The following ULK1 variants were observed in gnomAD, a reference collection of about 807,000 sequenced individuals.
The protein encoded by ULK1 is serine/threonine-protein kinase ULK1.
In ULK1, 48 loss-of-function variants were observed where a neutral mutation model predicts 117.5. The observed-to-expected ratio is 0.41, with a 90% CI of 0.32 to 0.52. The LOEUF (loss-of-function observed/expected upper bound fraction) is 0.52, where lower values mean the gene tolerates loss of function less well. Ranked by LOEUF, ULK1 falls within the 20% of genes least tolerant of loss-of-function variation. The probability of loss-of-function intolerance (pLI) is 0.29; values close to 1 mark genes in which losing one functional copy is unlikely to be tolerated. For synonymous variants in ULK1, 790 were observed against 637.8 expected (o/e 1.24, Z -3.60); for missense variants, 1,387 against 1,473.4 (o/e 0.94, Z 0.96).
In ULK1 at chr12:131,917,634, G is replaced by A. The variant is rs182905765; in HGVS notation, c.2326+80G>A. 203 of 1,274,610 alleles carry A rather than the reference G, an allele frequency of 1.6e-4. 1 individual carries two copies. Among genetic ancestry groups the A allele is most frequent in the African/African-American group, 5.4e-4 (35 of 64,894 alleles). The allele number at this position is 1,274,610 out of a possible 1,614,324, so 79.0% of individuals were successfully genotyped here. A position where few individuals can be genotyped will look rare whatever the true frequency, so the allele number is the denominator to read the frequency against. Reference sequence around the variant, plus strand: ...AGCGGACGGGGGCATCCTTTAACTCGGGTCACTGGACTACAGCCCCCCAGA... The same window carrying A: ...AGCGGACGGGGGCATCCTTTAACTCAGGTCACTGGACTACAGCCCCCCAGA... On this transcript the variant is annotated intron_variant, in intron 22 of 27. Transcript: ENST00000321867.
chr12:131,907,928 AG>A (rs1406226309), intron 5 of ULK1, among the ~76,000 whole-genome samples: 1 of 106,642 alleles, frequency 9.4e-6, no homozygotes, highest in African/African-American at 3.6e-5. Flanking sequence ...GAAGGACAGC[AG>A]GGGGGCGGCC....
At chr12:131,908,092 G>A (rs573149583) in intron 5 of ULK1, among the ~76,000 whole-genome samples, 1 of 152,106 alleles carries the variant, frequency 6.6e-6, no homozygotes, top group East Asian at 1.9e-4. Flanking sequence ...CTGAGCACCC[G>A]GGAGCCGGCA....
rs1325990562 is a variant in ULK1 at position 131,895,770 on chromosome 12, G to A, written c.205-13G>A. The A allele has an allele frequency of 6.2e-7, 1 of 1,613,984 alleles. No individual in the cohort carries two copies. Among genetic ancestry groups the A allele is most frequent in the African/African-American group, 1.3e-5 (1 of 74,914 alleles). ...CTCCCCACACTGATAACAAACTTGG[G>A]TTTCTGTCCTAGGAACTGAAACATG... On this transcript the variant is annotated splice_polypyrimidine_tract_variant and intron_variant, in intron 2 of 27. Transcript: ENST00000321867.
At chr12:131,917,302 T>TCGGGTTCGGCTCGGAGGCTGTGGGA (rs1566127101) in intron 21 of ULK1, 109 bp from the exon 22 acceptor site, 1,901 of 168,592 alleles carry the variant, frequency 0.011, 745 homozygotes, top group Middle Eastern at 0.027. Flanking sequence ...GGGACGGGGG[T>TCGGGTTCGGCTCGGAGGCTGTGGGA]TGGGGGGAGC....
Position 131,921,683 on chromosome 12 carries a change from C to T in ULK1, c.*322C>T, listed in dbSNP as rs1023564225. The T allele has an allele frequency of 1.3e-5, 8 of 610,658 alleles. No homozygotes were observed. Among genetic ancestry groups the T allele is most frequent in the Non-Finnish European group, 2.1e-5 (7 of 333,002 alleles). 37.8% of individuals were successfully genotyped at this position (610,658 alleles called of 1,614,324 possible). ...GGCAGCCCCGGAGGACAGGCAAGGG[C>T]CTGAGACCACTGCCGACTCAAAGCC... On this transcript the variant is annotated 3_prime_UTR_variant, in exon 28 of 28. Coordinates refer to ENST00000321867, the MANE Select transcript of ULK1 (RefSeq NM_003565.4).
chr12:131,895,199 C>T (rs1384122503), intron 1 of ULK1, 87 bp downstream of exon 1: 2 of 957,470 alleles, frequency 2.1e-6, no homozygotes, highest in East Asian at 3.3e-5. Flanking sequence ...TGTCCCGGGA[C>T]CCCCCCACGC....
intron 11 of ULK1, 122 bp from the exon 12 acceptor site, chr12:131,910,590 C>T: frequency 6.3e-7 from 1 of 1,595,304 alleles, no homozygotes; most frequent in East Asian, 2.2e-5. Flanking sequence ...CTCCTTCCTG[C>T]TGGTCGGGGT....
intron 13 of ULK1, among the ~76,000 whole-genome samples, chr12:131,912,929 CTG>C (rs1889603692): frequency 1.3e-5 from 2 of 152,144 alleles, no homozygotes; most frequent in South Asian, 2.1e-4. Flanking sequence ...CCAGGGGTCT[CTG>C]GGGCTGAGGA....
At chr12:131,895,139 C>A (rs1280604238) in intron 1 of ULK1, 27 bp downstream of exon 1, 2 of 1,478,858 alleles carry the variant, frequency 1.4e-6, no homozygotes, top group Admixed American at 2.3e-5. Flanking sequence ...GCCCGGGATC[C>A]CCCGCCCAGG....
intron 9 of ULK1, 29 bp downstream of exon 9, chr12:131,909,862 T>TC (rs1459861571): frequency 6.2e-6 from 10 of 1,609,702 alleles, no homozygotes; most frequent in Admixed American, 1.7e-5. Context: ...TCCCTTCCCT[T>TC]CCCCCGCGGG....
chr12:131,909,010 T>C (rs1889401849), intron 7 of ULK1, 39 bp downstream of exon 7: 1 of 1,612,536 alleles, frequency 6.2e-7, no homozygotes, highest in Non-Finnish European at 8.5e-7. Context: ...GGTGGGCGCC[T>C]CTCTGGGCTT....
chr12:131,917,227 T>TGGGATGGGGGTCGGC (rs1889868825), intron 21 of ULK1, among the ~76,000 whole-genome samples, 165 bp downstream of exon 21: 1 of 43,112 alleles, frequency 2.3e-5, no homozygotes, highest in Non-Finnish European at 4.3e-5. Flanking sequence ...CTCGAGGCTG[T>TGGGATGGGGGTCGGC]GGGACGGGGG....
chr12:131,905,290 T>G (rs1324820251), intron 3 of ULK1, among the ~76,000 whole-genome samples: 1 of 152,162 alleles, frequency 6.6e-6, no homozygotes, highest in East Asian at 1.9e-4. Context: ...TTCTCACGTT[T>G]ATGAAGCAGG....
At chr12:131,909,096 G>A (rs781329369) in intron 7 of ULK1, 40 bp from the exon 8 acceptor site, 6 of 1,600,236 alleles carry the variant, frequency 3.7e-6, no homozygotes, top group African/African-American at 1.3e-5. Context: ...TGTGGTTGGC[G>A]TGCGGGGGCC....
At chr12:131,895,580 A>G (rs1319380443) in intron 1 of ULK1, 21 bp from the exon 2 acceptor site, 2 of 1,610,640 alleles carry the variant, frequency 1.2e-6, no homozygotes, top group African/African-American at 2.7e-5. Flanking sequence ...CTGGCCTTGA[A>G]GGTGCACGTT....
chr12:131,907,051 C>A, intron 4 of ULK1, 127 bp downstream of exon 4: 1 of 1,303,460 alleles, frequency 7.7e-7, no homozygotes, highest in Non-Finnish European at 1.1e-6. Flanking sequence ...TGGAGTCTCA[C>A]TGTCGCCCAG....
intron 19 of ULK1, 91 bp downstream of exon 19, chr12:131,916,250 C>G (rs1342828127): frequency 1.9e-5 from 29 of 1,539,950 alleles, no homozygotes; most frequent in Non-Finnish European, 2.5e-5. Context: ...AGGAAGGCAG[C>G]TCTGTACCTT....
rs201770233 is a variant in ULK1, at chr12:131,919,574, G to T, written c.2787G>T (p.Ser929=). ...DQIRAGKLCL[S]STVKQVVRRL... is the part of the protein sequence containing the mutation. ...TCCGGGCCGGCAAGCTCTGCCTGTC[G>T]TCCACTGTGAAGCAGGGTGAGGGCT... The change falls in exon 25 of 28, where the codon TCG becomes TCT. Residue 929 remains serine (S), a synonymous_variant. Coordinates refer to ENST00000321867, the MANE Select transcript of ULK1 (RefSeq NM_003565.4). 14 of 1,611,896 alleles carry T rather than the reference G, an allele frequency of 8.7e-6. No individual in the cohort carries two copies. Among genetic ancestry groups the T allele is most frequent in the Non-Finnish European group, 1.1e-5 (13 of 1,179,604 alleles).
chr12:131,913,702 C>CAA (rs199854918), intron 14 of ULK1, 45 bp from the exon 15 acceptor site: 1,993 of 944,096 alleles, frequency 2.1e-3, no homozygotes, highest in South Asian at 3.6e-3. Flanking sequence ...GAGACTGCCC[C>CAA]AAAAAAAACA....
Sources: allele counts gnomAD v4.1 joint callset (sites outside exome capture counted in the v4.1 genomes callset), GRCh38; gene constraint gnomAD v4.1.1; transcripts MANE v1.5; gene names NCBI Gene and HGNC (gene_info 2026-07-23, HGNC 2026-07-21).